The following TMPRSS4 variants were observed in gnomAD, a reference collection of about 807,000 sequenced individuals.
TMPRSS4 encodes transmembrane serine protease 4.
In TMPRSS4, 45 loss-of-function variants were observed where a neutral mutation model predicts 56.4. The observed-to-expected ratio is 0.80, with a 90% CI of 0.63 to 1.02. The LOEUF (loss-of-function observed/expected upper bound fraction) is 1.02, where lower values mean the gene tolerates loss of function less well. Ranked by LOEUF, TMPRSS4 falls within the 50% of genes least tolerant of loss-of-function variation. The probability of loss-of-function intolerance (pLI) is 0.00; values close to 1 mark genes in which losing one functional copy is unlikely to be tolerated. For synonymous variants in TMPRSS4, 205 were observed against 211.0 expected (o/e 0.97, Z 0.25); for missense variants, 546 against 556.7 (o/e 0.98, Z 0.19).
chr11:118,117,387 G>C lies in TMPRSS4; in HGVS notation c.1235G>C (p.Gly412Ala), dbSNP rs769911991. Reference sequence around the variant, plus strand: ...GTTAGTTGGGGCTATGGCTGCGGGGGCCCGAGCACCCCAGGAGTATACACC... The same window carrying C: ...GTTAGTTGGGGCTATGGCTGCGGGGCCCCGAGCACCCCAGGAGTATACACC... Reference protein sequence around the residue: ...GIVSWGYGCGGPSTPGVYTKV... With the variant: ...GIVSWGYGCGAPSTPGVYTKV... Residue 412 changes from glycine to alanine, a missense_variant, in exon 12 of 13, where the codon GGC becomes GCC. By Grantham distance (60) the Gly-to-Ala change is moderately conservative. Transcript: ENST00000437212. 6 of 1,613,970 alleles carry C rather than the reference G, an allele frequency of 3.7e-6. No homozygotes were observed. In the South Asian group the frequency reaches 4.4e-5, roughly 12 times the overall value.
chr11:118,091,779 G>GT (rs1945983242), intron 1 of TMPRSS4, among the ~76,000 whole-genome samples: 1 of 152,208 alleles, frequency 6.6e-6, no homozygotes, highest in African/African-American at 2.4e-5. Context: ...TTTGTAAACT[G>GT]TTACATGCCA....
At chr11:118,103,927 A>G (rs1438037004) in intron 4 of TMPRSS4, among the ~76,000 whole-genome samples, 1 of 152,204 alleles carries the variant, frequency 6.6e-6, no homozygotes, top group Admixed American at 6.5e-5. Flanking sequence ...GAGACTTCTC[A>G]GCCACTTCGC....
intron 11 of TMPRSS4, among the ~76,000 whole-genome samples, chr11:118,115,946 A>T (rs1947528044): frequency 6.6e-6 from 1 of 152,050 alleles, no homozygotes; most frequent in African/African-American, 2.4e-5. Flanking sequence ...GACTCTCCCC[A>T]AGCTGCTGAA....
At chr11:118,108,004 G>A in intron 6 of TMPRSS4, 129 bp downstream of exon 6, 1 of 687,532 alleles carries the variant, frequency 1.5e-6, no homozygotes, top group African/African-American at 1.8e-5. Flanking sequence ...AGAACTCCTA[G>A]CCAGATGGAT....
At chr11:118,117,805 A>G in intron 12 of TMPRSS4, 97 bp from the exon 13 acceptor site, 1 of 1,611,422 alleles carries the variant, frequency 6.2e-7, no homozygotes. Context: ...GAGAGAAGCA[A>G]AGTGTTTCAG....
rs1368466212 is a variant in TMPRSS4, at chr11:118,120,372, T to C, written c.*2459T>C. The C allele has an allele frequency of 6.6e-6, 1 of 152,194 alleles. No individual in the cohort carries two copies. The highest frequency in any genetic ancestry group is 1.5e-5 in the Non-Finnish European group (1 of 68,030). The allele number at this position is 152,194 out of a possible 1,614,324, so 9.4% of individuals were successfully genotyped here. ...GATCATATGGTAATTCTATTTTGAATTTTTTGAGGAACTGATATATTGCTT... is the reference window on the plus strand; with the variant it reads ...GATCATATGGTAATTCTATTTTGAACTTTTTGAGGAACTGATATATTGCTT... On this transcript the variant is annotated 3_prime_UTR_variant, in exon 13 of 13. Coordinates refer to ENST00000437212, the MANE Select transcript of TMPRSS4 (RefSeq NM_019894.4).
chr11:118,105,180 C>T (rs1946928676), intron 5 of TMPRSS4, among the ~76,000 whole-genome samples: 1 of 152,108 alleles, frequency 6.6e-6, no homozygotes, highest in South Asian at 2.1e-4. Flanking sequence ...AGAAACTGTT[C>T]CTGCCCAGTA....
At position 118,117,408 on chromosome 11, in the gene TMPRSS4, A is replaced by G; in HGVS notation, c.1256A>G (p.Tyr419Cys). Residue 419 changes from tyrosine (Y) to cysteine (C), a missense_variant, in exon 12 of 13, where the codon TAC (tyrosine) becomes TGC (cysteine). Physicochemically the swap from Tyr to Cys is radical, Grantham distance 194. Coordinates refer to ENST00000437212, the MANE Select transcript of TMPRSS4 (RefSeq NM_019894.4). ...GCGGPSTPGV[Y>C]TKVSAYLNWI... ...GGGGGCCCGAGCACCCCAGGAGTAT[A>G]CACCAAGGTCTCAGCCTATCTCAAC... is the stretch of plus-strand genomic sequence containing the variant. The G allele has an allele frequency of 6.2e-7, 1 of 1,614,102 alleles. No individual in the cohort carries two copies. The highest frequency in any genetic ancestry group is 1.1e-5 in the South Asian group (1 of 91,082).
intron 2 of TMPRSS4, among the ~76,000 whole-genome samples, chr11:118,096,851 GA>G (rs1414497793): frequency 1.3e-4 from 2 of 15,876 alleles, no homozygotes; most frequent in African/African-American, 6.4e-4. Flanking sequence ...AAGAAGGAAA[GA>G]AAGAAAGAAA....
In TMPRSS4 at chr11:118,107,771, C is replaced by G. The variant is rs1947066281; in HGVS notation, c.441-3C>G. The G allele has an allele frequency of 6.2e-7, 1 of 1,613,724 alleles. No homozygotes were observed. Among genetic ancestry groups the G allele is most frequent in the Admixed American group, 1.7e-5 (1 of 59,988 alleles). ...AACTCTCTCTCCCTCTTGATGTGAG[C>G]AGCAAACCCACTTTCAGAGCTGTGG... is the stretch of plus-strand genomic sequence containing the variant. On this transcript the variant is annotated splice_region_variant and splice_polypyrimidine_tract_variant and intron_variant, in intron 5 of 12. Transcript: ENST00000437212.
In TMPRSS4 at chr11:118,118,409, A is replaced by G. The variant is rs879228686; in HGVS notation, c.*496A>G. ...ACCGTTACCTACTGTTGTCATTGTT[A>G]TTACAGCTATGGCCACTATTATTAA... On this transcript the variant is annotated 3_prime_UTR_variant, in exon 13 of 13. Transcript: ENST00000437212. 4.0e-6 allele frequency: 4 copies of G among 992,658 alleles called. No individual in the cohort carries two copies. Among genetic ancestry groups the G allele is most frequent in the Middle Eastern group, 5.1e-4 (1 of 1,960 alleles). The allele number at this position is 992,658 out of a possible 1,614,324, so 61.5% of individuals were successfully genotyped here. A position where few individuals can be genotyped will look rare whatever the true frequency, so the allele number is the denominator to read the frequency against.
intron 1 of TMPRSS4, among the ~76,000 whole-genome samples, chr11:118,077,696 A>T (rs1028302732): frequency 1.3e-5 from 2 of 152,160 alleles, no homozygotes; most frequent in Admixed American, 6.5e-5. Flanking sequence ...CTCCCTGGGG[A>T]AACTGATTCC....
chr11:118,117,407 T>C lies in TMPRSS4; in HGVS notation c.1255T>C (p.Tyr419His), dbSNP rs1279896912. The C allele has an allele frequency of 6.2e-7, 1 of 1,614,102 alleles. No homozygotes were observed. Among genetic ancestry groups the C allele is most frequent in the Non-Finnish European group, 8.5e-7 (1 of 1,180,002 alleles). ...CGGGGGCCCGAGCACCCCAGGAGTA[T>C]ACACCAAGGTCTCAGCCTATCTCAA... The part of the protein sequence containing the change: ...GCGGPSTPGV[Y>H]TKVSAYLNWI... Residue 419 changes from tyrosine to histidine, a missense_variant, in exon 12 of 13, where the codon TAC becomes CAC. Coordinates refer to ENST00000437212, the MANE Select transcript of TMPRSS4 (RefSeq NM_019894.4).
intron 5 of TMPRSS4, chr11:118,107,500 A>T (rs1947053054): frequency 3.2e-6 from 1 of 316,700 alleles, no homozygotes; most frequent in Non-Finnish European, 5.8e-6. Context: ...ACATTTCTCC[A>T]GGGCTCTGGG....
chr11:118,094,998 C>G (rs1441660511), intron 2 of TMPRSS4, 143 bp downstream of exon 2: 1 of 845,414 alleles, frequency 1.2e-6, no homozygotes, highest in Non-Finnish European at 2.0e-6. Context: ...ACCCGTCCAT[C>G]CATCACTCAG....
intron 2 of TMPRSS4, among the ~76,000 whole-genome samples, chr11:118,098,717 C>G (rs1320042409): frequency 1.3e-5 from 2 of 152,204 alleles, no homozygotes; most frequent in Non-Finnish European, 1.5e-5. Flanking sequence ...CAGGCTCAGG[C>G]AAGACACGGG....
chr11:118,098,612 G>A (rs1844105635), intron 2 of TMPRSS4, among the ~76,000 whole-genome samples: 1 of 152,184 alleles, frequency 6.6e-6, no homozygotes, highest in South Asian at 2.1e-4. Flanking sequence ...TCAGGAAAAG[G>A]ATAAATGGTG....
chr11:118,096,910 AGGG>A (rs1946366213), intron 2 of TMPRSS4, among the ~76,000 whole-genome samples: 3 of 38,810 alleles, frequency 7.7e-5, no homozygotes, highest in African/African-American at 1.3e-4. Context: ...AAAGAAAGAA[AGGG>A]AGAGAGAAAG....
Position 118,104,690 on chromosome 11 carries a change from G to A in TMPRSS4, c.311-1G>A. On this transcript the variant is annotated splice_acceptor_variant, in intron 4 of 12. Transcript: ENST00000437212. LOFTEE classifies it high-confidence loss of function. Reference sequence around the variant, plus strand: ...TCTAACTCAGGTTCCTTTCCTCCCAGTCCGCCTCTCCAAGGACCGATCCAC... The same window carrying A: ...TCTAACTCAGGTTCCTTTCCTCCCAATCCGCCTCTCCAAGGACCGATCCAC... 6.2e-7 allele frequency: 1 copy of A among 1,613,708 alleles called. No individual in the cohort carries two copies. Among genetic ancestry groups the A allele is most frequent in the Non-Finnish European group, 8.5e-7 (1 of 1,179,918 alleles).
Sources: gnomAD v4.1 joint callset for allele counts (sites outside exome capture counted in the v4.1 genomes callset) on GRCh38, gnomAD v4.1.1 for gene constraint, MANE v1.5 for transcripts, NCBI Gene and HGNC (gene_info 2026-07-23, HGNC 2026-07-21) for gene names.